The following TRPM5 variants were observed in gnomAD, a reference collection of about 807,000 sequenced individuals.
TRPM5 encodes MLSN1 and TRP-related.
Under a neutral mutation model 124.9 loss-of-function variants are expected in TRPM5, and 121 were observed. The ratio of observed to expected loss-of-function variants is 0.97; its 90% CI spans 0.84 to 1.13. The LOEUF is 1.13. Among genes scored for constraint, TRPM5 ranks in the 50% most tolerant of loss-of-function variants. TRPM5 has a pLI of 0.00. For synonymous variants in TRPM5, 781 were observed against 700.5 expected, an observed-to-expected ratio of 1.11 and a Z score of -1.81; for missense variants, 1,643 against 1,589.1, an observed-to-expected ratio of 1.03 and a Z score of -0.58.
At chr11:2,425,318 C>T (rs1845830750), upstream of TRPM5, among the ~76,000 whole-genome samples, 1 of 152,156 alleles carries the variant, frequency 6.6e-6, no homozygotes, top group Non-Finnish European at 1.5e-5. Flanking sequence ...TCCTTCCCAC[C>T]CTTTCCAGGT....
chr11:2,414,726 C>T (rs4929982), exon 11 of TRPM5: 736,550 of 1,537,298 alleles, frequency 0.48, 178,538 homozygotes, highest in East Asian at 0.7. Context: ...AAGGGCCAGC[C>T]GCTCGTATTT....
chr11:2,418,245 C>G (rs1197650587), exon 6 of TRPM5: 15 of 1,586,750 alleles, frequency 9.5e-6, no homozygotes, highest in Non-Finnish European at 1.3e-5. Flanking sequence ...TCTCGGCCAC[C>G]TTGGGCACCA....
chr11:2,417,871 G>A, intron 6 of TRPM5, 42 bp from the exon 12 acceptor site: 1 of 1,523,568 alleles, frequency 6.6e-7, no homozygotes, highest in Non-Finnish European at 8.9e-7. Flanking sequence ...GCCTCAGCCA[G>A]GACGGGGGCA....
exon 24 of TRPM5, chr11:2,404,676 G>A: frequency 1.9e-6 from 1 of 513,962 alleles, no homozygotes; most frequent in Non-Finnish European, 3.5e-6. Context: ...TAGGGATGCG[G>A]TGGGGCACGT....
chr11:2,413,033 C>A lies in TRPM5; in HGVS notation c.2097-21G>T, dbSNP rs747417116. 7 of 1,591,074 alleles carry A rather than the reference C, an allele frequency of 4.4e-6. No homozygotes were observed. In the South Asian group the frequency reaches 6.8e-5, roughly 16 times the overall value. Reference sequence around the variant, plus strand: ...CCACCCTGTGCCGCAGAGAAGTTCGCAGTGGTGAGGCTGGCGCCCAGCCGG... The same window carrying A: ...CCACCCTGTGCCGCAGAGAAGTTCGAAGTGGTGAGGCTGGCGCCCAGCCGG... On this transcript the variant is annotated intron_variant, in intron 14 of 23. Coordinates refer to ENST00000155858, the Ensembl canonical transcript of TRPM5.
the TRPM5 span, among the ~76,000 whole-genome samples, chr11:2,441,656 C>T: frequency 2.3e-3 from 343 of 152,256 alleles, no homozygotes; most frequent in African/African-American, 7.9e-3. The surrounding 1 kb of genome is among the most constrained non-coding windows in gnomAD (Gnocchi z 7.2). Context: ...GGAGACAGCC[C>T]TGGGGGCCTC....
At chr11:2,418,811 T>C (rs4244810) in intron 4 of TRPM5, among the ~76,000 whole-genome samples, 71,839 of 152,100 alleles carry the variant, frequency 0.47, 17,468 homozygotes, top group East Asian at 0.67. Flanking sequence ...ACGCGCACTT[T>C]GTGGCAACAG....
the TRPM5 span, among the ~76,000 whole-genome samples, chr11:2,441,370 G>A: frequency 6.6e-6 from 1 of 152,042 alleles, no homozygotes; most frequent in South Asian, 2.1e-4. The surrounding 1 kb of genome is among the most constrained non-coding windows in gnomAD (Gnocchi z 7.2). Flanking sequence ...CACTTGTATT[G>A]TCTGTCCTAC....
At chr11:2,423,080 G>A (rs777001650), upstream of TRPM5, 2 of 1,512,526 alleles carry the variant, frequency 1.3e-6, no homozygotes, top group Middle Eastern at 2.0e-4. Context: ...CTTGAGGGCT[G>A]AGAAGGCCCA....
the TRPM5 span, among the ~76,000 whole-genome samples, chr11:2,430,740 ATGGTGTTGGTGG>A: frequency 2.3e-5 from 1 of 44,258 alleles, no homozygotes; most frequent in Non-Finnish European, 4.6e-5. Flanking sequence ...GGTGATGGTG[ATGGTGTTGGTGG>A]TGGTGGTTTT....
chr11:2,407,342 G>T, intron 19 of TRPM5, 42 bp from the exon 25 acceptor site: 2 of 1,569,104 alleles, frequency 1.3e-6, no homozygotes, highest in South Asian at 2.3e-5. Context: ...GGCTCCCCAC[G>T]ACCACTTGGG....
chr11:2,421,219 C>T lies in TRPM5; in HGVS notation c.299-21G>A, dbSNP rs138948623. 2.4e-3 allele frequency: 3,685 copies of T among 1,528,290 alleles called. 7 individuals carry two copies. Among genetic ancestry groups the T allele is most frequent in the Non-Finnish European group, 2.9e-3 (3,320 of 1,141,830 alleles). The allele number at this position is 1,528,290 out of a possible 1,614,324, so 94.7% of individuals were successfully genotyped here. A position where few individuals can be genotyped will look rare whatever the true frequency, so the allele number is the denominator to read the frequency against. On this transcript the variant is annotated intron_variant, in intron 2 of 23. Coordinates refer to ENST00000155858, the Ensembl canonical transcript of TRPM5. ...GGCTCCTGTGGGGATGGAAGAGGGC[C>T]TCGTTGTGCCGCACGCCCCAGGTCT... is the stretch of plus-strand genomic sequence containing the variant.
At chr11:2,419,857 C>T (rs1235475125) in intron 4 of TRPM5, among the ~76,000 whole-genome samples, 2 of 152,212 alleles carry the variant, frequency 1.3e-5, no homozygotes, top group East Asian at 1.9e-4. Flanking sequence ...TCACGCCTGG[C>T]GGCGGGAAGT....
In TRPM5 at chr11:2,407,776, C is replaced by G. The variant is rs149048146; in HGVS notation, c.2919G>C (p.Leu973=). The G allele has an allele frequency of 2.5e-4, 404 of 1,613,734 alleles. 1 individual carries two copies. The highest frequency in any genetic ancestry group is 1.5e-3 in the Middle Eastern group (9 of 6,056). ...GGAGTCACCTGAACATGGCGATGAG[C>G]AGGTTCATGAGCAGCACATTGGTGA... Residue 973 remains leucine, a synonymous_variant, in exon 19 of 24, where the codon CTG becomes CTC. Coordinates refer to ENST00000155858, the Ensembl canonical transcript of TRPM5.
At chr11:2,418,416 C>A in intron 5 of TRPM5, 58 bp from the exon 11 acceptor site, 1 of 1,515,364 alleles carries the variant, frequency 6.6e-7, no homozygotes, top group Non-Finnish European at 8.9e-7. Flanking sequence ...CATCTGGATG[C>A]AGGTGTCAGG....
intron 11 of TRPM5, 149 bp downstream of exon 16, chr11:2,414,566 C>G (rs1055187408): frequency 2.5e-6 from 3 of 1,190,962 alleles, no homozygotes; most frequent in Non-Finnish European, 3.4e-6. Flanking sequence ...GCAGAGCCGT[C>G]TGTCCTCTCC....
chr11:2,405,903 C>G, intron 22 of TRPM5, 116 bp downstream of exon 27: 1 of 997,382 alleles, frequency 1.0e-6, no homozygotes, highest in South Asian at 1.4e-5. Flanking sequence ...TGCTCCTGTC[C>G]TGGCTCTGGC....
chr11:2,442,786 T>G, the TRPM5 span, among the ~76,000 whole-genome samples: 1 of 152,136 alleles, frequency 6.6e-6, no homozygotes. This position sits in a 1 kb window ranked among gnomAD's most constrained non-coding sequence, Gnocchi z 5.9. Flanking sequence ...GGTATCAGAG[T>G]GTACTTTTCA....
chr11:2,413,192 G>A, exon 14 of TRPM5: 1 of 1,551,398 alleles, frequency 6.4e-7, no homozygotes, highest in South Asian at 1.2e-5. Flanking sequence ...AGGTCCTGCA[G>A]GTCCTCCAGG....
Sources: allele counts gnomAD v4.1 joint callset (sites outside exome capture counted in the v4.1 genomes callset), GRCh38; gene constraint gnomAD v4.1.1; non-coding constraint Gnocchi (gnomAD v3.1); transcripts MANE v1.5; gene names NCBI Gene and HGNC (gene_info 2026-07-23, HGNC 2026-07-21).